CAMK1D: variants seen among roughly 807,000 people sequenced by gnomAD.
The protein encoded by CAMK1D is calcium/calmodulin dependent protein kinase ID.
A neutral mutation model predicts 47.7 loss-of-function variants in CAMK1D; 9 were observed. That is an observed-to-expected ratio of 0.19 (90% CI 0.11 to 0.33). CAMK1D has a LOEUF of 0.33. CAMK1D is among the 10% of genes least tolerant of loss of function. The probability of loss-of-function intolerance (pLI) is 1.00; values close to 1 mark genes in which losing one functional copy is unlikely to be tolerated. For missense variants in CAMK1D, 291 were observed against 488.7 expected, an observed-to-expected ratio of 0.60 and a Z score of 3.81; for synonymous variants, 184 against 184.9, an observed-to-expected ratio of 0.99 and a Z score of 0.04.
chr10:12,619,393 T>A (rs1838921372), intron 2 of CAMK1D, among the ~76,000 whole-genome samples: 1 of 152,052 alleles, frequency 6.6e-6, no homozygotes, highest in South Asian at 2.1e-4. Flanking sequence ...TGGTCTCAAG[T>A]AATTCTTCTG....
intron 1 of CAMK1D, among the ~76,000 whole-genome samples, chr10:12,404,583 A>G (rs1839344887): frequency 6.6e-6 from 1 of 152,174 alleles, no homozygotes; most frequent in Non-Finnish European, 1.5e-5. Context: ...TGATGCTGAG[A>G]TTGAGTTATT....
At chr10:12,705,652 G>T (rs1470503641) in intron 3 of CAMK1D, among the ~76,000 whole-genome samples, 1 of 152,148 alleles carries the variant, frequency 6.6e-6, no homozygotes, top group Non-Finnish European at 1.5e-5. Context: ...CCTACTCAAG[G>T]TAAATGCAAC....
chr10:12,701,423 GT>G (rs760198516), intron 3 of CAMK1D, among the ~76,000 whole-genome samples: 1 of 152,194 alleles, frequency 6.6e-6, no homozygotes, highest in Non-Finnish European at 1.5e-5. Context: ...TCATTTCCCT[GT>G]TTTAAGTACA....
At chr10:12,690,924 C>T (rs959493222) in intron 3 of CAMK1D, among the ~76,000 whole-genome samples, 13 of 152,100 alleles carry the variant, frequency 8.5e-5, no homozygotes, top group Admixed American at 6.6e-4. Flanking sequence ...AACCCCTCAC[C>T]CTGTTATGGC....
At chr10:12,815,490 C>T (rs530691452) in intron 7 of CAMK1D, among the ~76,000 whole-genome samples, 147 of 152,350 alleles carry the variant, frequency 9.6e-4, no homozygotes, top group Admixed American at 2.3e-3. Context: ...ACAAGGCTCG[C>T]GGGAAAGAGC....
intron 3 of CAMK1D, among the ~76,000 whole-genome samples, chr10:12,682,630 A>G (rs896782421): frequency 2.0e-5 from 3 of 152,220 alleles, no homozygotes; most frequent in Non-Finnish European, 4.4e-5. Flanking sequence ...AAAAGAATCA[A>G]TTGAAGAAGG....
At chr10:12,544,608 CAA>C (rs964678201) in intron 1 of CAMK1D, among the ~76,000 whole-genome samples, 3 of 152,214 alleles carry the variant, frequency 2.0e-5, no homozygotes, top group African/African-American at 7.2e-5. Context: ...TTTTATGCCT[CAA>C]GAGAAACCTT....
At chr10:12,813,337 T>C (rs1832680169) in intron 6 of CAMK1D, among the ~76,000 whole-genome samples, 2 of 152,320 alleles carry the variant, frequency 1.3e-5, no homozygotes, top group South Asian at 4.1e-4. Context: ...CAGGTTATGG[T>C]GTCTTGTGGC....
intron 1 of CAMK1D, among the ~76,000 whole-genome samples, chr10:12,528,588 A>T (rs1200027726): frequency 6.6e-6 from 1 of 151,902 alleles, no homozygotes; most frequent in Admixed American, 6.6e-5. Context: ...GCTGGAAGAG[A>T]CTCCCGGGGT....
intron 1 of CAMK1D, among the ~76,000 whole-genome samples, chr10:12,373,768 TTC>T (rs1838079749): frequency 6.6e-6 from 1 of 150,842 alleles, no homozygotes; most frequent in Middle Eastern, 3.3e-3. Flanking sequence ...GCGTCACATT[TTC>T]TCTGTTAAGA....
intron 1 of CAMK1D, among the ~76,000 whole-genome samples, chr10:12,544,283 C>T (rs1836289049): frequency 1.3e-5 from 2 of 152,070 alleles, no homozygotes; most frequent in South Asian, 4.1e-4. Flanking sequence ...CTTTCTTTAT[C>T]ATTCAAATAA....
chr10:12,798,241 A>G (rs1017951950), intron 6 of CAMK1D, among the ~76,000 whole-genome samples: 3 of 152,370 alleles, frequency 2.0e-5, no homozygotes, highest in Non-Finnish European at 4.4e-5. Flanking sequence ...TAGCAGCTAA[A>G]GGCTTTGGGA....
chr10:12,412,688 G>A (rs1183007506), intron 1 of CAMK1D, among the ~76,000 whole-genome samples: 6 of 104,408 alleles, frequency 5.7e-5, no homozygotes, highest in African/African-American at 4.0e-5. Context: ...AGAGTGAGAC[G>A]CCATCAAAAA....
intron 3 of CAMK1D, among the ~76,000 whole-genome samples, chr10:12,748,212 AG>A (rs1238574094): frequency 6.6e-6 from 1 of 152,222 alleles, no homozygotes; most frequent in Non-Finnish European, 1.5e-5. Flanking sequence ...GTTGTTCAAA[AG>A]CAAGCATGCT....
intron 1 of CAMK1D, among the ~76,000 whole-genome samples, chr10:12,495,089 A>G (rs1834496864): frequency 6.6e-6 from 1 of 152,234 alleles, no homozygotes; most frequent in African/African-American, 2.4e-5. Flanking sequence ...AGAAAGGTGG[A>G]CTGTGAACTT....
intron 5 of CAMK1D, among the ~76,000 whole-genome samples, chr10:12,783,771 G>A (rs549915639): frequency 1.5e-4 from 23 of 152,162 alleles, no homozygotes; most frequent in Non-Finnish European, 2.2e-4. Context: ...CTTTCCGTTC[G>A]CCAGGAATAC....
At chr10:12,750,670 AATGAATGAATGAATGAATGAATG>A (rs1158018011) in intron 3 of CAMK1D, among the ~76,000 whole-genome samples, 1 of 148,898 alleles carries the variant, frequency 6.7e-6, no homozygotes, top group African/African-American at 2.6e-5. Context: ...GAAAGTCAAG[AATGAATGAATGAATGAATGAATG>A]ATGAATGAAT....
At chr10:12,448,841 C>T (rs1175707864) in intron 1 of CAMK1D, among the ~76,000 whole-genome samples, 8 of 152,104 alleles carry the variant, frequency 5.3e-5, no homozygotes, top group Non-Finnish European at 1.0e-4. Context: ...CACAGGGGCA[C>T]GTACGGCTGA....
chr10:12,488,894 G>A (rs1834295503), intron 1 of CAMK1D, among the ~76,000 whole-genome samples: 1 of 152,110 alleles, frequency 6.6e-6, no homozygotes. Flanking sequence ...ATGAGGTTTC[G>A]CTCACTTGCC....
Sources: gnomAD v4.1 joint callset for allele counts (sites outside exome capture counted in the v4.1 genomes callset) on GRCh38, gnomAD v4.1.1 for gene constraint, MANE v1.5 for transcripts, NCBI Gene and HGNC (gene_info 2026-07-23, HGNC 2026-07-21) for gene names.